Variants in DUSP4 observed in about 807,000 individuals in gnomAD.
The protein encoded by DUSP4 is dual specificity protein phosphatase 4.
A neutral mutation model predicts 27.2 loss-of-function variants in DUSP4; 12 were observed. The observed-to-expected ratio is 0.44, with a 90% CI of 0.28 to 0.71. The LOEUF (loss-of-function observed/expected upper bound fraction) is 0.71. DUSP4 is among the 30% of genes least tolerant of loss of function. The pLI is 0.14. For missense variants in DUSP4, 448 were observed against 551.3 expected, an observed-to-expected ratio of 0.81 and a Z score of 1.88; for synonymous variants, 257 against 245.2, an observed-to-expected ratio of 1.05 and a Z score of -0.45.
chr8:29,340,342 G>T, intron 1 of DUSP4, 99 bp from the exon 2 acceptor site: 2 of 1,438,420 alleles, frequency 1.4e-6, no homozygotes, highest in Non-Finnish European at 1.8e-6. Flanking sequence ...TGCTAGGAAG[G>T]CAGGGGCTGG....
At chr8:29,344,702 G>A (rs1456317941) in intron 1 of DUSP4, among the ~76,000 whole-genome samples, 2 of 152,188 alleles carry the variant, frequency 1.3e-5, no homozygotes, top group African/African-American at 4.8e-5. Context: ...CCCGTCCCTT[G>A]CAGGAGTAGG....
intron 1 of DUSP4, chr8:29,347,966 C>G: frequency 1.0e-6 from 1 of 985,514 alleles, no homozygotes; most frequent in Non-Finnish European, 1.2e-6. Flanking sequence ...CCCTCTCTCC[C>G]CGGGAGCGGG....
At position 29,338,455 on chromosome 8, in the gene DUSP4, T is replaced by G. The variant is rs1482792204; in HGVS notation, c.626A>C (p.Tyr209Ser). The change falls in exon 3 of 4, where the codon TAC (tyrosine) becomes TCC (serine). Residue 209 changes from tyrosine to serine, a missense_variant. This residue lies in a region of DUSP4 where 345 missense variants were observed against 394.0 expected (regional missense o/e 0.88). Coordinates refer to ENST00000240100, the MANE Select transcript of DUSP4 (RefSeq NM_001394.7). ...CAGCATGTCTCTCCGGGCAGCATGGTAGGCACTGCCGAGGTAGAGGAAGGG... is the reference window on the plus strand; with the variant it reads ...CAGCATGTCTCTCCGGGCAGCATGGGAGGCACTGCCGAGGTAGAGGAAGGG... The part of the protein sequence containing the change: ...ILPFLYLGSA[Y>S]HAARRDMLDA... 1.9e-6 allele frequency: 3 copies of G among 1,613,914 alleles called. No individual in the cohort carries two copies. The highest frequency in any genetic ancestry group is 2.5e-6 in the Non-Finnish European group (3 of 1,180,004).
At position 29,337,042 on chromosome 8, in the gene DUSP4, G is replaced by T; in HGVS notation, c.1169C>A (p.Thr390Asn). ...SLPYLHSPITTSPSC is the reference protein window; with the variant it reads ...SLPYLHSPITNSPSC ...AGGGCGGCTCTAACAGCTGGGAGAG[G>T]TGGTGATGGGGCTGTGCAGGTAGGG... Residue 390 changes from threonine to asparagine, a missense_variant, in exon 4 of 4, where the codon ACC becomes AAC. By Grantham distance (65) the Thr-to-Asn change is moderately conservative. Around this residue, in one of 3 missense-constraint regions of DUSP4, gnomAD observed 100 missense variants for 139.8 expected, o/e 0.72. Transcript: ENST00000240100. This position sits in a 1 kb window ranked among gnomAD's most constrained non-coding sequence, Gnocchi z 6.4. The T allele has an allele frequency of 6.2e-7, 1 of 1,602,568 alleles. No homozygotes were observed. The highest frequency in any genetic ancestry group is 1.1e-5 in the South Asian group (1 of 89,028).
At position 29,334,669 on chromosome 8, in the gene DUSP4, T is replaced by A. The variant is rs1013628004; in HGVS notation, c.*2357A>T. On this transcript the variant is annotated 3_prime_UTR_variant, in exon 4 of 4. Transcript: ENST00000240100. ...TCCCTCCCCGCCCAAGCATCCCCTC[T>A]GTCCTGTCTCTCTGCTGCTGGGACC... The A allele has an allele frequency of 6.6e-6, 1 of 152,354 alleles. No individual in the cohort carries two copies. The highest frequency in any genetic ancestry group is 3.4e-3 in the Middle Eastern group (1 of 296). 9.4% of individuals were successfully genotyped at this position (152,354 alleles called of 1,614,324 possible). A position where few individuals can be genotyped will look rare whatever the true frequency, so the allele number is the denominator to read the frequency against.
At chr8:29,342,446 T>TG (rs1293659391) in intron 1 of DUSP4, among the ~76,000 whole-genome samples, 4 of 152,068 alleles carry the variant, frequency 2.6e-5, no homozygotes, top group African/African-American at 9.7e-5. Flanking sequence ...CCCTTCTCGG[T>TG]GCCTACATGG....
In DUSP4 at chr8:29,346,723, T is replaced by C. The variant is rs192628228; in HGVS notation, c.433+3123A>G. Among the ~76,000 whole-genome samples the C allele has an allele frequency of 1.6e-4, 24 of 152,344 alleles. No homozygotes were observed. In the East Asian group the frequency reaches 2.3e-3, roughly 15 times the overall value. ...AAAAGTCGGGTAATCTGAGGAAATGTAAAGGCTAGGCTGTACTTTCTTGAT... is the reference window on the plus strand; with the variant it reads ...AAAAGTCGGGTAATCTGAGGAAATGCAAAGGCTAGGCTGTACTTTCTTGAT... On this transcript the variant is annotated intron_variant, in intron 1 of 3. Transcript: ENST00000240100.
intron 1 of DUSP4, chr8:29,345,419 A>G (rs1817716616): frequency 6.2e-7 from 1 of 1,614,028 alleles, no homozygotes; most frequent in Non-Finnish European, 8.5e-7. Context: ...GCTGGCTGAC[A>G]CCTAACGCCA....
intron 1 of DUSP4, chr8:29,348,738 G>C: frequency 3.0e-6 from 3 of 985,708 alleles, no homozygotes; most frequent in African/African-American, 3.5e-5. Flanking sequence ...AGGAAGGGAG[G>C]GAGGCGGCGA....
chr8:29,345,231 G>C, intron 1 of DUSP4: 1 of 1,044,506 alleles, frequency 9.6e-7, no homozygotes, highest in South Asian at 1.5e-5. Flanking sequence ...TGCCAGAAAA[G>C]TCATGCTCTT....
chr8:29,339,363 C>T (rs1274990427), intron 2 of DUSP4, among the ~76,000 whole-genome samples: 1 of 152,090 alleles, frequency 6.6e-6, no homozygotes, highest in Non-Finnish European at 1.5e-5. Context: ...AGCAGGTTTT[C>T]TTGGAGGGAG....
chr8:29,335,499 C>T lies in DUSP4; in HGVS notation c.*1527G>A, dbSNP rs1480342023. On this transcript the variant is annotated 3_prime_UTR_variant, in exon 4 of 4. Transcript: ENST00000240100. ...GATGCTCTCTTGCCCTTCCACACTT[C>T]GAGAAGACCTGAAATGTGGTGTCCA... 3 of 152,192 alleles carry T rather than the reference C, an allele frequency of 2.0e-5. No individual in the cohort carries two copies. The highest frequency in any genetic ancestry group is 2.0e-4 in the Admixed American group (3 of 15,282). The allele number at this position is 152,192 out of a possible 1,614,324, so 9.4% of individuals were successfully genotyped here.
At chr8:29,345,106 A>G (rs1817708591) in intron 1 of DUSP4, among the ~76,000 whole-genome samples, 1 of 152,246 alleles carries the variant, frequency 6.6e-6, no homozygotes, top group South Asian at 2.1e-4. Context: ...TGCAGGTGTG[A>G]GCCACCACAC....
At chr8:29,348,837 C>T in intron 1 of DUSP4, 4 of 983,508 alleles carry the variant, frequency 4.1e-6, no homozygotes, top group Non-Finnish European at 4.8e-6. Flanking sequence ...ACCCTACCCG[C>T]GCGGAAGAAT....
intron 1 of DUSP4, among the ~76,000 whole-genome samples, chr8:29,343,192 A>G (rs1369857014): frequency 2.7e-5 from 4 of 150,222 alleles, no homozygotes; most frequent in Non-Finnish European, 5.9e-5. Context: ...AAAAAGGAAC[A>G]AGGTGAAGAA....
At position 29,336,209 on chromosome 8, in the gene DUSP4, TTC is replaced by T. The variant is rs1422236841; in HGVS notation, c.*815_*816del. ...CATAGTGAGATGCTGTCTTTTTCTT[TTC>T]TTTTTTTTTTAAAAAGCAATTCAAA... On this transcript the variant is annotated 3_prime_UTR_variant, in exon 4 of 4. Transcript: ENST00000240100. 4 of 152,070 alleles carry T rather than the reference TTC, an allele frequency of 2.6e-5. No individual in the cohort carries two copies. Among genetic ancestry groups the T allele is most frequent in the African/African-American group, 9.7e-5 (4 of 41,400 alleles). The allele number at this position is 152,070 out of a possible 1,614,324, so 9.4% of individuals were successfully genotyped here.
intron 1 of DUSP4, among the ~76,000 whole-genome samples, chr8:29,340,745 C>T (rs1817646048): frequency 6.6e-6 from 1 of 152,224 alleles, no homozygotes; most frequent in South Asian, 2.1e-4. Context: ...ATGTCCATTG[C>T]ACGTCCTCAT....
rs1402754082 is a variant in DUSP4, at chr8:29,342,908, C to T, written c.434-2665G>A. 2.0e-5 allele frequency among the ~76,000 whole-genome samples: 3 copies of T among 152,222 alleles called. No individual in the cohort carries two copies. The East Asian group carries it at 5.8e-4, about 29-fold the overall frequency. On this transcript the variant is annotated intron_variant, in intron 1 of 3. Transcript: ENST00000240100. Reference sequence around the variant, plus strand: ...GTGAGCTGGGCGCGGTGGCTCACGCCTGTAATCCCAGCACTTTGGGAGGCC... The same window carrying T: ...GTGAGCTGGGCGCGGTGGCTCACGCTTGTAATCCCAGCACTTTGGGAGGCC...
Position 29,350,083 on chromosome 8 carries a change from T to C in DUSP4, c.196A>G (p.Asn66Asp). The change falls in exon 1 of 4, where the codon AAC (asparagine) becomes GAC (aspartate). Residue 66 changes from asparagine (N) to aspartate (D), a missense_variant. This residue lies in a region of DUSP4 where 345 missense variants were observed against 394.0 expected (regional missense o/e 0.88). Coordinates refer to ENST00000240100, the MANE Select transcript of DUSP4 (RefSeq NM_001394.7). ...HSAGYILGSV[N>D]VRCNTIVRRR... The stretch of plus-strand genomic sequence containing the variant: ...CGCACGATGGTGTTACAGCGCACGT[T>C]GACCGAACCTAGGATGTAGCCCGCG... 1 of 1,607,322 alleles carries C rather than the reference T, an allele frequency of 6.2e-7. No homozygotes were observed.
Sources: allele counts gnomAD v4.1 joint callset (sites outside exome capture counted in the v4.1 genomes callset), GRCh38; gene constraint gnomAD v4.1.1; regional missense constraint gnomAD v4.1.1; non-coding constraint Gnocchi (gnomAD v3.1); transcripts MANE v1.5; gene names NCBI Gene and HGNC (gene_info 2026-07-23, HGNC 2026-07-21).